The following DLC1 variants were observed in gnomAD, a reference collection of about 807,000 sequenced individuals.
The protein encoded by DLC1 is rho GTPase-activating protein 7.
In DLC1, 54 loss-of-function variants were observed where a neutral mutation model predicts 140.3. That is an observed-to-expected ratio of 0.38 (90% CI 0.31 to 0.48). The LOEUF is 0.48. Ranked by LOEUF, DLC1 falls within the 20% of genes least tolerant of loss-of-function variation. The pLI is 0.96. For synonymous variants in DLC1, 986 were observed against 728.1 expected, an observed-to-expected ratio of 1.35 and a Z score of -5.70; for missense variants, 2,536 against 1,907.0, an observed-to-expected ratio of 1.33 and a Z score of -6.14.
chr8:13,526,703 A>G (rs1398400231), intron 1 of DLC1, among the ~76,000 whole-genome samples: 2 of 152,022 alleles, frequency 1.3e-5, no homozygotes, highest in Non-Finnish European at 2.9e-5. Flanking sequence ...GTTCTCATTC[A>G]TAGGTGGGAA....
chr8:13,144,556 G>C (rs1020868263), intron 5 of DLC1, among the ~76,000 whole-genome samples: 1 of 152,132 alleles, frequency 6.6e-6, no homozygotes, highest in African/African-American at 2.4e-5. Flanking sequence ...ACGAGATCAG[G>C]AGATCGAGAA....
At chr8:13,327,324 A>C (rs1044401359) in intron 4 of DLC1, among the ~76,000 whole-genome samples, 1 of 152,022 alleles carries the variant, frequency 6.6e-6, no homozygotes, top group Non-Finnish European at 1.5e-5. Context: ...TGATGCCCCA[A>C]ATGGGATCTG....
In DLC1 at chr8:13,397,671, T is replaced by C. The variant is rs573748189; in HGVS notation, c.1173+3799A>G. Among the ~76,000 whole-genome samples, 6 of 119,012 alleles carry C rather than the reference T, an allele frequency of 5.0e-5. No individual in the cohort carries two copies. In the Admixed American group the frequency reaches 5.3e-4, roughly 10 times the overall value. 78.1% of individuals were successfully genotyped at this position (119,012 alleles called of 152,430 possible). ...TAGAGAAACCCCATCTCTACAAAAA[T>C]TAAAAAAAAAAAAAATTAGCCAGGC... On this transcript the variant is annotated intron_variant, in intron 3 of 17. Transcript: ENST00000276297.
At chr8:13,418,256 T>G (rs289594) in intron 2 of DLC1, among the ~76,000 whole-genome samples, 2,807 of 152,280 alleles carry the variant, frequency 0.018, 86 homozygotes, top group African/African-American at 0.065. Flanking sequence ...TTGTTGCCAT[T>G]GCTTTTGGTG....
chr8:13,185,780 G>A (rs538424359), intron 5 of DLC1, among the ~76,000 whole-genome samples: 2 of 152,248 alleles, frequency 1.3e-5, no homozygotes, highest in Non-Finnish European at 2.9e-5. Flanking sequence ...TGCAGTGGTT[G>A]GTACTGGTTG....
intron 4 of DLC1, among the ~76,000 whole-genome samples, chr8:13,372,697 A>C (rs956210207): frequency 4.6e-5 from 7 of 152,206 alleles, no homozygotes; most frequent in Non-Finnish European, 8.8e-5. Context: ...TGATAGTGGA[A>C]AGTTCAAGGC....
chr8:13,480,970 A>T (rs1391221922), intron 2 of DLC1, among the ~76,000 whole-genome samples: 1 of 152,182 alleles, frequency 6.6e-6, no homozygotes, highest in Non-Finnish European at 1.5e-5. Flanking sequence ...TATGGATTGA[A>T]AGGGGTTAGG....
At chr8:13,556,131 A>G (rs1288340951) in intron 1 of DLC1, among the ~76,000 whole-genome samples, 1 of 152,192 alleles carries the variant, frequency 6.6e-6, no homozygotes, top group Admixed American at 6.5e-5. Flanking sequence ...ATGCACAGCA[A>G]TCAATGAGGA....
intron 5 of DLC1, among the ~76,000 whole-genome samples, chr8:13,167,502 C>A (rs57068906): frequency 0.037 from 5,666 of 152,116 alleles, 357 homozygotes; most frequent in African/African-American, 0.13. Context: ...GGGGAAACCT[C>A]GGTATTTTAT....
At chr8:13,213,242 C>G (rs1401374272) in intron 5 of DLC1, among the ~76,000 whole-genome samples, 1 of 152,216 alleles carries the variant, frequency 6.6e-6, no homozygotes, top group East Asian at 1.9e-4. Flanking sequence ...AATGACTACA[C>G]AGACGTGTAC....
chr8:13,245,278 T>G (rs1829715480), intron 5 of DLC1, among the ~76,000 whole-genome samples: 1 of 152,226 alleles, frequency 6.6e-6, no homozygotes. Context: ...AAGACACCTC[T>G]ATGTGATTCT....
rs1818895025 is a variant in DLC1 at position 13,099,997 on chromosome 8, A to G, written c.2340T>C (p.Asp780=). 17 of 1,612,488 alleles carry G rather than the reference A, an allele frequency of 1.1e-5. No individual in the cohort carries two copies. Among genetic ancestry groups the G allele is most frequent in the Non-Finnish European group, 1.4e-5 (17 of 1,180,010 alleles). The change falls in exon 9 of 18, where the codon GAT becomes GAC. Residue 780 remains aspartate (D), a synonymous_variant. Coordinates refer to ENST00000276297, the MANE Select transcript of DLC1 (RefSeq NM_182643.3). ...TGTTAAATGTTGACTGATTGAAAGG[A>G]TCGAAGCCCTCTAAGTACATGCCCA... The part of the protein sequence containing the change: ...KRVGMYLEGF[D]PFNQSTFNNV...
intron 4 of DLC1, among the ~76,000 whole-genome samples, chr8:13,312,807 A>T (rs1177063633): frequency 6.6e-6 from 1 of 152,156 alleles, no homozygotes; most frequent in Non-Finnish European, 1.5e-5. Context: ...CTGACTATTC[A>T]TAACAGTTTT....
chr8:13,595,927 C>G (rs1409458943), intron 1 of DLC1, among the ~76,000 whole-genome samples: 1 of 152,080 alleles, frequency 6.6e-6, no homozygotes, highest in South Asian at 2.1e-4. Context: ...CTAAATATAT[C>G]ACACAAAAGC....
intron 5 of DLC1, among the ~76,000 whole-genome samples, chr8:13,183,697 G>A (rs1188424301): frequency 6.6e-6 from 1 of 152,112 alleles, no homozygotes; most frequent in Non-Finnish European, 1.5e-5. Context: ...GCTTTTTGAT[G>A]TTCTGCTGGA....
intron 2 of DLC1, among the ~76,000 whole-genome samples, chr8:13,404,454 A>C (rs112067103): frequency 7.2e-5 from 11 of 152,332 alleles, no homozygotes; most frequent in African/African-American, 2.4e-4. Flanking sequence ...CCAGAAGGAT[A>C]GAGAATTCGT....
rs61307108 is a variant in DLC1 at position 13,532,578 on chromosome 8, T to TTC, written c.-125-32384_-125-32383dup. ...ACTTCAAAGCACAGGCTCTCTCTCT[T>TTC]TCTCTCTCTCTCTCTCTCTCAGATA... On this transcript the variant is annotated intron_variant, in intron 1 of 1. Transcript: ENST00000631382. Among the ~76,000 whole-genome samples the TTC allele has an allele frequency of 5.3e-4, 79 of 149,860 alleles. No individual in the cohort carries two copies. In the Middle Eastern group the frequency reaches 0.01, roughly 20 times the overall value.
intron 5 of DLC1, among the ~76,000 whole-genome samples, chr8:13,215,436 A>G (rs1828147427): frequency 6.6e-6 from 1 of 152,004 alleles, no homozygotes; most frequent in Non-Finnish European, 1.5e-5. Context: ...AAATACAAAA[A>G]TTAGCTGGGC....
chr8:13,120,148 G>C (rs938992002), intron 5 of DLC1, among the ~76,000 whole-genome samples: 2 of 151,040 alleles, frequency 1.3e-5, no homozygotes, highest in African/African-American at 2.4e-5. Flanking sequence ...TTCGAGACCA[G>C]CCTGGCCAAC....
Sources: allele counts gnomAD v4.1 joint callset (sites outside exome capture counted in the v4.1 genomes callset), GRCh38; gene constraint gnomAD v4.1.1; transcripts MANE v1.5; gene names NCBI Gene and HGNC (gene_info 2026-07-23, HGNC 2026-07-21).